The following LAMP2 variants were observed in gnomAD, a reference collection of about 807,000 sequenced individuals.
LAMP2 encodes the protein lysosome associated membrane protein 2.
LAMP2 carries 4 observed loss-of-function variants against 25.6 expected under a neutral mutation model. That is an observed-to-expected ratio of 0.16 (90% CI 0.08 to 0.36). The LOEUF (loss-of-function observed/expected upper bound fraction) is 0.36. LAMP2 is among the 10% of genes least tolerant of loss of function. The pLI, the probability that LAMP2 is intolerant of heterozygous loss-of-function variation, is 1.00. For synonymous variants in LAMP2, 108 were observed against 112.7 expected (o/e 0.96, Z 0.27); for missense variants, 272 against 301.4 (o/e 0.90, Z 0.72).
chrX:120,467,925 G>A (rs1411632163), intron 1 of LAMP2, among the ~76,000 whole-genome samples: 1 of 111,158 alleles, frequency 9.0e-6, no homozygotes, highest in Non-Finnish European at 1.9e-5. Context: ...ACGACGCCCG[G>A]CTAATTTTTG....
chrX:120,463,196 T>C (rs1921392117), intron 1 of LAMP2, among the ~76,000 whole-genome samples: 1 of 112,184 alleles, frequency 8.9e-6, no homozygotes, highest in Admixed American at 9.5e-5. Flanking sequence ...TTATAATTCC[T>C]AATAATAGGT....
rs748212102 is a variant in LAMP2, at chrX:120,436,300, C to T, written c.1094-4838G>A. ...TCCCAGGTTGATCTTATTCTGTAGC[C>T]TGCCTAGCATCAATCGAGGCCTATG... On this transcript the variant is annotated intron_variant, in intron 8 of 8. Coordinates refer to ENST00000200639, the MANE Select transcript of LAMP2 (RefSeq NM_002294.3). Among the ~76,000 whole-genome samples, 109 of 111,333 alleles carry T rather than the reference C, an allele frequency of 9.8e-4. 2 individuals are homozygous for T. The highest frequency in any genetic ancestry group is 3.5e-3 in the African/African-American group (107 of 30,613).
chrX:120,465,112 G>C (rs769595872), intron 1 of LAMP2, among the ~76,000 whole-genome samples: 1 of 111,241 alleles, frequency 9.0e-6, no homozygotes, highest in East Asian at 2.8e-4. Flanking sequence ...CCATTAAAAT[G>C]TAAGCTCCAT....
intron 1 of LAMP2, among the ~76,000 whole-genome samples, chrX:120,462,039 A>C (rs1247789493): frequency 8.9e-6 from 1 of 111,978 alleles, no homozygotes; most frequent in Non-Finnish European, 1.9e-5. Flanking sequence ...TGATTTTACA[A>C]TACCCAATTT....
intron 1 of LAMP2, among the ~76,000 whole-genome samples, chrX:120,464,581 A>C (rs1051221490): frequency 6.3e-5 from 7 of 111,685 alleles, no homozygotes; most frequent in Non-Finnish European, 1.3e-4. Flanking sequence ...ATTTCCCCAG[A>C]TGGTCACATG....
intron 3 of LAMP2, among the ~76,000 whole-genome samples, chrX:120,451,295 A>T (rs756152469): frequency 2.4e-4 from 27 of 112,306 alleles, no homozygotes; most frequent in Non-Finnish European, 3.9e-4. Flanking sequence ...CAGTTATCAG[A>T]TGCCTAAAAA....
chrX:120,448,827 T>C, intron 4 of LAMP2, 143 bp downstream of exon 4: 2 of 509,927 alleles, frequency 3.9e-6, no homozygotes, highest in Non-Finnish European at 6.6e-6. Flanking sequence ...ATTGCTATTA[T>C]TTACAAAAAC....
chrX:120,437,318 T>G, intron 8 of LAMP2: 1 of 747,503 alleles, frequency 1.3e-6, no homozygotes, highest in Non-Finnish European at 1.6e-6. Context: ...TATATATATG[T>G]CTGTGTGTGT....
chrX:120,439,062 G>A (rs2058559691), intron 8 of LAMP2: 1 of 1,191,309 alleles, frequency 8.4e-7, no homozygotes, highest in Non-Finnish European at 1.1e-6. Flanking sequence ...GAGCTGGACT[G>A]CAACTAAATA....
chrX:120,430,423 T>G lies in LAMP2; in HGVS notation c.*900A>C. On this transcript the variant is annotated 3_prime_UTR_variant, in exon 9 of 9. Transcript: ENST00000200639. Reference sequence around the variant, plus strand: ...ATAAGTACCACACTGATGACAACACTAAATAGATTTTAATGCTCCAGAGAT... The same window carrying G: ...ATAAGTACCACACTGATGACAACACGAAATAGATTTTAATGCTCCAGAGAT... 68 of 752,090 alleles carry G rather than the reference T, an allele frequency of 9.0e-5. No individual in the cohort carries two copies. Among genetic ancestry groups the G allele is most frequent in the Non-Finnish European group, 1.1e-4 (68 of 637,263 alleles). The allele number at this position is 752,090 out of a possible 1,213,427, so 62.0% of individuals were successfully genotyped here. A position where few individuals can be genotyped will look rare whatever the true frequency, so the allele number is the denominator to read the frequency against.
At chrX:120,467,506 A>G (rs770225513) in intron 1 of LAMP2, among the ~76,000 whole-genome samples, 1 of 112,042 alleles carries the variant, frequency 8.9e-6, no homozygotes, top group African/African-American at 3.2e-5. Flanking sequence ...TACAAAATGT[A>G]TACCTCTCAC....
At chrX:120,431,520 G>T in intron 8 of LAMP2, 58 bp from the exon 9 acceptor site, 1 of 1,086,901 alleles carries the variant, frequency 9.2e-7, no homozygotes, top group Non-Finnish European at 1.3e-6. Flanking sequence ...TCAAATCTGT[G>T]TATTTTGAGT....
At chrX:120,441,282 G>A (rs184287675) in intron 8 of LAMP2, among the ~76,000 whole-genome samples, 5 of 112,123 alleles carry the variant, frequency 4.5e-5, no homozygotes, top group Non-Finnish European at 7.5e-5. Context: ...TCTCCAGATC[G>A]TTTTGGCTGG....
At chrX:120,436,170 A>ACACT (rs1251901451) in intron 8 of LAMP2, among the ~76,000 whole-genome samples, 40 of 57,304 alleles carry the variant, frequency 7.0e-4, no homozygotes, top group African/African-American at 2.0e-3. Flanking sequence ...ACACACACAC[A>ACACT]CTCTCTCTCT....
chrX:120,446,259 G>A (rs373486423), intron 6 of LAMP2, 46 bp downstream of exon 6: 212 of 1,153,893 alleles, frequency 1.8e-4, no homozygotes, highest in Non-Finnish European at 2.3e-4. Flanking sequence ...ACTTTCAGAT[G>A]TGTTTCTAAG....
At chrX:120,451,204 C>A (rs1296536292) in intron 3 of LAMP2, among the ~76,000 whole-genome samples, 1 of 111,854 alleles carries the variant, frequency 8.9e-6, no homozygotes, top group African/African-American at 3.3e-5. Flanking sequence ...CAGGCACGAG[C>A]CACCACACCT....
intron 3 of LAMP2, 148 bp from the exon 4 acceptor site, chrX:120,449,276 C>A (rs2058611353): frequency 8.4e-6 from 4 of 474,100 alleles, no homozygotes; most frequent in Admixed American, 7.2e-5. Context: ...AAGGGCATGA[C>A]TAGTTCACTG....
At position 120,431,556 on chromosome X, in the gene LAMP2, A is replaced by G. The variant is rs111710564; in HGVS notation, c.1094-94T>C. On this transcript the variant is annotated intron_variant, in intron 8 of 8. Transcript: ENST00000200639. ...AAAATGACAGCACTTCCTAACACGCATATTTTGGTTTTTTATACCAAGGTA... is the reference window on the plus strand; with the variant it reads ...AAAATGACAGCACTTCCTAACACGCGTATTTTGGTTTTTTATACCAAGGTA... The G allele has an allele frequency of 1.8e-4, 163 of 891,629 alleles. No individual in the cohort carries two copies. In the African/African-American group the frequency reaches 2.4e-3, roughly 13 times the overall value. 73.5% of individuals were successfully genotyped at this position (891,629 alleles called of 1,213,427 possible).
chrX:120,438,923 T>C (rs1266652006), intron 8 of LAMP2: 12 of 985,455 alleles, frequency 1.2e-5, no homozygotes, highest in African/African-American at 2.0e-5. Flanking sequence ...ATCCAGTGAT[T>C]TTGCACATCT....
Sources: allele counts gnomAD v4.1 joint callset (sites outside exome capture counted in the v4.1 genomes callset), GRCh38; gene constraint gnomAD v4.1.1; transcripts MANE v1.5; gene names NCBI Gene and HGNC (gene_info 2026-07-23, HGNC 2026-07-21).